The following SASS6 variants were observed in gnomAD, a reference collection of about 807,000 sequenced individuals.
SASS6 encodes spindle assembly abnormal protein 6 homolog.
In SASS6, 59 loss-of-function variants were observed where a neutral mutation model predicts 94.9. That is an observed-to-expected ratio of 0.62 (90% confidence interval 0.50 to 0.77). SASS6 has a LOEUF of 0.77. Ranked by LOEUF, SASS6 falls within the 30% of genes least tolerant of loss-of-function variation. The pLI is 0.00. For synonymous variants in SASS6, 264 were observed against 270.0 expected, an observed-to-expected ratio of 0.98 and a Z score of 0.22; for missense variants, 698 against 734.1, an observed-to-expected ratio of 0.95 and a Z score of 0.57.
chr1:100,108,200 A>T (rs1292152041), intron 8 of SASS6, among the ~76,000 whole-genome samples, 196 bp from the exon 9 acceptor site: 1 of 152,096 alleles, frequency 6.6e-6, no homozygotes, highest in Non-Finnish European at 1.5e-5. Flanking sequence ...ATTGTAAAAT[A>T]TTCTACTATC....
intron 14 of SASS6, among the ~76,000 whole-genome samples, chr1:100,095,072 T>C (rs1292057286): frequency 6.6e-6 from 1 of 152,114 alleles, no homozygotes; most frequent in African/African-American, 2.4e-5. Context: ...CAACCATTCA[T>C]GATAAAAGCT....
rs1368512987 is a variant in SASS6 at position 100,125,887 on chromosome 1, T to G, written c.121A>C (p.Arg41=). 1 of 1,521,462 alleles carries G rather than the reference T, an allele frequency of 6.6e-7. No homozygotes were observed. Among genetic ancestry groups the G allele is most frequent in the South Asian group, 1.2e-5 (1 of 86,048 alleles). 94.2% of individuals were successfully genotyped at this position (1,521,462 alleles called of 1,614,324 possible). The change falls in exon 2 of 17, where the codon AGA becomes CGA. Residue 41 remains arginine, a synonymous_variant. Transcript: ENST00000287482. ...ELQSVSNPVH[R]KDLVIRLTDD... is the part of the protein sequence containing the mutation. ...AAAAAGGACTAAATACCAACCTTTCTGTGAACTGGATTAGAAACTGATTGT... is the reference window on the plus strand; with the variant it reads ...AAAAAGGACTAAATACCAACCTTTCGGTGAACTGGATTAGAAACTGATTGT...
intron 14 of SASS6, among the ~76,000 whole-genome samples, chr1:100,097,991 G>A (rs1430645486): frequency 6.6e-6 from 1 of 152,028 alleles, no homozygotes; most frequent in East Asian, 1.9e-4. Context: ...GTACTTTTAG[G>A]GTAATGTAAA....
chr1:100,102,988 G>A lies in SASS6; in HGVS notation c.1641C>T (p.Ala547=). 6.2e-7 allele frequency: 1 copy of A among 1,612,050 alleles called. No individual in the cohort carries two copies. Among genetic ancestry groups the A allele is most frequent in the South Asian group, 1.1e-5 (1 of 90,856 alleles). Residue 547 remains alanine (A), a synonymous_variant, in exon 14 of 17, where the codon GCC becomes GCT. Transcript: ENST00000287482. ...FQNTFPHSIS[A]KNTSHPGSGT... The stretch of plus-strand genomic sequence containing the variant: ...CTGAACCAGGGTGGCTGGTATTTTT[G>A]GCAGATATCGAATGAGGGAAGGTAT...
chr1:100,107,951 T>C lies in SASS6; in HGVS notation c.915A>G (p.Thr305=). 8 of 1,612,842 alleles carry C rather than the reference T, an allele frequency of 5.0e-6. No individual in the cohort carries two copies. The highest frequency in any genetic ancestry group is 6.8e-6 in the Non-Finnish European group (8 of 1,179,218). The change falls in exon 9 of 17, where the codon ACA becomes ACG. Residue 305 remains threonine, a synonymous_variant. Transcript: ENST00000287482. ...EVLSLRRENS[T]LDVECHEKEK... Reference sequence around the variant, plus strand: ...CTTTCTCGTGGCATTCAACATCTAGTGTAGAATTCTCTCTTCGCAAAGAGA... The same window carrying C: ...CTTTCTCGTGGCATTCAACATCTAGCGTAGAATTCTCTCTTCGCAAAGAGA...
At chr1:100,097,852 C>CA (rs1419748418) in intron 14 of SASS6, among the ~76,000 whole-genome samples, 2 of 151,962 alleles carry the variant, frequency 1.3e-5, no homozygotes, top group Non-Finnish European at 2.9e-5. Context: ...GAAAGACACA[C>CA]AAAAAAACTA....
At position 100,132,901 on chromosome 1, in the gene SASS6, G is replaced by T; in HGVS notation, c.-87C>A. The T allele has an allele frequency of 2.3e-6, 3 of 1,324,018 alleles. No individual in the cohort carries two copies. In the South Asian group the frequency reaches 3.6e-5, roughly 16 times the overall value. 82.0% of individuals were successfully genotyped at this position (1,324,018 alleles called of 1,614,324 possible). ...CCTGAGAGGTCCGGGTCCTGATAAAGTTTGAGTTTGGCGCTCGGCTTCTGC... is the reference window on the plus strand; with the variant it reads ...CCTGAGAGGTCCGGGTCCTGATAAATTTTGAGTTTGGCGCTCGGCTTCTGC... On this transcript the variant is annotated 5_prime_UTR_variant, in exon 1 of 17. Coordinates refer to ENST00000287482, the MANE Select transcript of SASS6 (RefSeq NM_194292.3).
chr1:100,131,408 AAATT>A lies in SASS6; in HGVS notation c.65+1338_65+1341del, dbSNP rs1362259555. ...TTAAAAAGACTTTTAAAAGCAGGTG[AAATT>A]AATTTTAATAATACATTGTATTTAA... On this transcript the variant is annotated intron_variant, in intron 1 of 16. Coordinates refer to ENST00000287482, the MANE Select transcript of SASS6 (RefSeq NM_194292.3). 2.6e-5 allele frequency among the ~76,000 whole-genome samples: 4 copies of A among 152,322 alleles called. No homozygotes were observed. The East Asian group carries it at 7.7e-4, about 29-fold the overall frequency.
Position 100,123,194 on chromosome 1 carries a change from A to G in SASS6, c.206+16T>C. 4.4e-6 allele frequency: 5 copies of G among 1,148,308 alleles called. No homozygotes were observed. Among genetic ancestry groups the G allele is most frequent in the Non-Finnish European group, 6.4e-6 (5 of 775,710 alleles). 71.1% of individuals were successfully genotyped at this position (1,148,308 alleles called of 1,614,324 possible). A position where few individuals can be genotyped will look rare whatever the true frequency, so the allele number is the denominator to read the frequency against. On this transcript the variant is annotated intron_variant, in intron 3 of 16. Transcript: ENST00000287482. Reference sequence around the variant, plus strand: ...ATTTTTTCACTAAATATAAGATCAGAAAAAAATTTAGTTACCTTTGAAAAT... The same window carrying G: ...ATTTTTTCACTAAATATAAGATCAGGAAAAAATTTAGTTACCTTTGAAAAT...
chr1:100,111,638 A>G (rs559573578), intron 7 of SASS6, among the ~76,000 whole-genome samples: 1 of 152,112 alleles, frequency 6.6e-6, no homozygotes, highest in Non-Finnish European at 1.5e-5. Flanking sequence ...TACCCATTCA[A>G]AAGTCTTAGC....
chr1:100,085,400 A>G lies in SASS6; in HGVS notation c.1902T>C (p.His634=). ...GGAGCGCTGTGGGTTTGGAAGATGT[A>G]TGTAATGCTCCTAAAGTGCCATCTC... The part of the protein sequence containing the change: ...HQRDGTLGAL[H]TSSKPTALPS... The change falls in exon 17 of 17, where the codon CAT becomes CAC. Residue 634 remains histidine (H), a synonymous_variant. Transcript: ENST00000287482. The G allele has an allele frequency of 5.0e-6, 8 of 1,613,622 alleles. No individual in the cohort carries two copies. The highest frequency in any genetic ancestry group is 5.9e-6 in the Non-Finnish European group (7 of 1,179,560).
chr1:100,086,513 A>AT (rs11327228), intron 15 of SASS6, among the ~76,000 whole-genome samples: 1,799 of 136,146 alleles, frequency 0.013, 14 homozygotes, highest in Middle Eastern at 0.023. Flanking sequence ...TAATGATTTG[A>AT]TTTTTTTTTT....
chr1:100,122,552 T>A, intron 3 of SASS6, 68 bp from the exon 4 acceptor site: 2 of 409,842 alleles, frequency 4.9e-6, no homozygotes, highest in Admixed American at 4.4e-5. Context: ...TTGGTGCCTT[T>A]TTTTTTTTTT....
At chr1:100,108,881 TG>T (rs1465187796) in intron 8 of SASS6, among the ~76,000 whole-genome samples, 1 of 152,054 alleles carries the variant, frequency 6.6e-6, no homozygotes, top group Admixed American at 6.5e-5. Context: ...GCATTTTGGC[TG>T]GCACACAGTA....
At chr1:100,116,095 A>G (rs1653783094) in intron 7 of SASS6, among the ~76,000 whole-genome samples, 2 of 152,214 alleles carry the variant, frequency 1.3e-5, no homozygotes, top group Non-Finnish European at 2.9e-5. Context: ...ATTCAAATTA[A>G]AAAAACTATA....
At chr1:100,111,989 A>C (rs1490130183) in intron 7 of SASS6, among the ~76,000 whole-genome samples, 3 of 152,136 alleles carry the variant, frequency 2.0e-5, no homozygotes, top group Non-Finnish European at 4.4e-5. Context: ...TGTTTAAAAA[A>C]AAAGTGTGAG....
In SASS6 at chr1:100,117,854, GA is replaced by G. The variant is rs79222012; in HGVS notation, c.669+1163del. Among the ~76,000 whole-genome samples the G allele has an allele frequency of 9.1e-3, 639 of 69,878 alleles. 5 individuals carry two copies. The highest frequency in any genetic ancestry group is 0.034 in the Admixed American group (221 of 6,590). 45.8% of individuals were successfully genotyped at this position (69,878 alleles called of 152,430 possible). A position where few individuals can be genotyped will look rare whatever the true frequency, so the allele number is the denominator to read the frequency against. On this transcript the variant is annotated intron_variant, in intron 7 of 16. Transcript: ENST00000287482. ...AATTAAGAAGGTGGCAGGGCACAGT[GA>G]AAAAAAAAAAATAACCACACAGAAA... is the stretch of plus-strand genomic sequence containing the variant.
intron 14 of SASS6, among the ~76,000 whole-genome samples, chr1:100,090,790 G>C (rs190546510): frequency 9.5e-4 from 144 of 152,128 alleles, no homozygotes; most frequent in Non-Finnish European, 1.8e-3. Flanking sequence ...GGACCCTAAG[G>C]GCACAGAAAA....
In SASS6 at chr1:100,107,461, T is replaced by C; in HGVS notation, c.1239A>G (p.Lys413=). ...ATTTTTCCTCCTTCTCAGCCAAGAG[T>C]TTTTCTTGCTGAATAGTAACTGTAT... is the stretch of plus-strand genomic sequence containing the variant. The part of the protein sequence containing the change: ...LKNTVTIQQE[K]LLAEKEEKLQ... The change falls in exon 11 of 17, where the codon AAA becomes AAG. Residue 413 remains lysine, a synonymous_variant. Transcript: ENST00000287482. The C allele has an allele frequency of 6.2e-7, 1 of 1,606,356 alleles. No individual in the cohort carries two copies. Among genetic ancestry groups the C allele is most frequent in the East Asian group, 2.2e-5 (1 of 44,652 alleles).
Sources: gnomAD v4.1 joint callset for allele counts (sites outside exome capture counted in the v4.1 genomes callset) on GRCh38, gnomAD v4.1.1 for gene constraint, MANE v1.5 for transcripts, NCBI Gene and HGNC (gene_info 2026-07-23, HGNC 2026-07-21) for gene names.